CUX1: variants seen among roughly 807,000 people sequenced by gnomAD.
CUX1 encodes protein CASP.
A neutral mutation model predicts 158.8 loss-of-function variants in CUX1; 31 were observed. The observed-to-expected ratio is 0.20, with a 90% CI of 0.15 to 0.26. The LOEUF (loss-of-function observed/expected upper bound fraction) is 0.26, where lower values mean the gene tolerates loss of function less well. CUX1 is among the 10% of genes least tolerant of loss of function. The probability of loss-of-function intolerance (pLI) is 1.00; values close to 1 mark genes in which losing one functional copy is unlikely to be tolerated. For synonymous variants in CUX1, 879 were observed against 862.1 expected (o/e 1.02, Z -0.34); for missense variants, 1,589 against 2,014.6 (o/e 0.79, Z 4.04).
At chr7:102,151,907 T>G (rs1031585693) in intron 8 of CUX1, among the ~76,000 whole-genome samples, 3 of 151,938 alleles carry the variant, frequency 2.0e-5, no homozygotes, top group Admixed American at 1.3e-4. Context: ...GAATACCTCC[T>G]TAGAAAAATT....
At chr7:102,187,507 G>A (rs1030418705) in intron 11 of CUX1, among the ~76,000 whole-genome samples, 1 of 152,052 alleles carries the variant, frequency 6.6e-6, no homozygotes. Flanking sequence ...TGACAGACTC[G>A]AGTTCCAGGC....
intron 2 of CUX1, among the ~76,000 whole-genome samples, chr7:101,999,124 G>T (rs765398986): frequency 5.9e-5 from 9 of 151,932 alleles, no homozygotes; most frequent in African/African-American, 2.2e-4. Context: ...TCTGGAGTCC[G>T]CATGGCTGTG....
chr7:102,248,267 GC>G lies in CUX1; in HGVS notation c.3888-142del. On this transcript the variant is annotated intron_variant, in intron 23 of 23. Transcript: ENST00000292535. This position sits in a 1 kb window ranked among gnomAD's most constrained non-coding sequence, Gnocchi z 5.8. ...GACTCTGGAGAGGGGCTGCCCCGTG[GC>G]CCGAGGGTCGCTGGAGGGGCACGGA... The G allele has an allele frequency of 5.6e-6, 4 of 708,426 alleles. No individual in the cohort carries two copies. The South Asian group carries it at 7.9e-5, about 14-fold the overall frequency. 43.9% of individuals were successfully genotyped at this position (708,426 alleles called of 1,614,324 possible).
chr7:102,190,766 C>T (rs1338859906), intron 12 of CUX1, among the ~76,000 whole-genome samples: 5 of 152,158 alleles, frequency 3.3e-5, no homozygotes, highest in African/African-American at 9.7e-5. Flanking sequence ...CCACTATCCA[C>T]AGATGCCCTA....
At chr7:102,189,034 C>T (rs1793974607) in intron 11 of CUX1, among the ~76,000 whole-genome samples, 1 of 152,080 alleles carries the variant, frequency 6.6e-6, no homozygotes, top group Non-Finnish European at 1.5e-5. Context: ...CCACCAAGCA[C>T]TCGACTGAAC....
intron 9 of CUX1, among the ~76,000 whole-genome samples, chr7:102,163,062 G>A (rs2529097): frequency 0.066 from 10,087 of 152,258 alleles, 387 homozygotes; most frequent in African/African-American, 0.083. Context: ...CCATTGGCAT[G>A]AGAAGCATCC....
chr7:101,850,531 G>A (rs1305456572), intron 1 of CUX1, among the ~76,000 whole-genome samples: 2 of 150,318 alleles, frequency 1.3e-5, no homozygotes, highest in East Asian at 3.9e-4. Context: ...GGAAATGAGA[G>A]CACTGTGCCC....
chr7:101,873,198 T>TA (rs71286264), intron 1 of CUX1, among the ~76,000 whole-genome samples: 6 of 148,076 alleles, frequency 4.1e-5, no homozygotes, highest in African/African-American at 5.0e-5. Flanking sequence ...TTTTTTTTTT[T>TA]AATTTTTATT....
intron 1 of CUX1, among the ~76,000 whole-genome samples, chr7:101,909,812 C>T (rs924107096): frequency 2.0e-5 from 3 of 152,238 alleles, no homozygotes; most frequent in Non-Finnish European, 2.9e-5. Flanking sequence ...GAAGGACCCA[C>T]CCTGTGGGAG....
chr7:102,281,530 A>G (rs150721016), intron 20 of CUX1, among the ~76,000 whole-genome samples: 5,027 of 151,232 alleles, frequency 0.033, 255 homozygotes, highest in African/African-American at 0.12. Flanking sequence ...GGGCGTGGTG[A>G]CGCACACCTG....
At chr7:101,969,113 A>G (rs554576769) in intron 2 of CUX1, among the ~76,000 whole-genome samples, 1 of 151,768 alleles carries the variant, frequency 6.6e-6, no homozygotes, top group Admixed American at 6.6e-5. Flanking sequence ...GGATCACTTG[A>G]GGCCAGGAGT....
chr7:102,201,937 G>A lies in CUX1; in HGVS notation c.2640G>A (p.Lys880=). 4 of 1,614,126 alleles carry A rather than the reference G, an allele frequency of 2.5e-6. No homozygotes were observed. Among genetic ancestry groups the A allele is most frequent in the Non-Finnish European group, 3.4e-6 (4 of 1,180,038 alleles). ...GACCCTCGTCGTCAGAGTACTGGAA[G>A]GAGTGGCCCAGCGCTGAGTCCCCAT... ...LQGPSSSEYW[K]EWPSAESPYS... Residue 880 remains lysine, a synonymous_variant, in exon 18 of 24, where the codon AAG becomes AAA. Coordinates refer to ENST00000292535, the MANE Select transcript of CUX1 (RefSeq NM_181552.4). This position sits in a 1 kb window ranked among gnomAD's most constrained non-coding sequence, Gnocchi z 5.0.
intron 3 of CUX1, among the ~76,000 whole-genome samples, chr7:102,065,418 G>A (rs145471086): frequency 1.1e-3 from 173 of 152,206 alleles, no homozygotes; most frequent in African/African-American, 3.6e-3. Context: ...TCACTCTGCT[G>A]CCCAGGCTGG....
intron 4 of CUX1, among the ~76,000 whole-genome samples, chr7:102,080,304 C>T (rs782387607): frequency 1.6e-4 from 24 of 152,178 alleles, no homozygotes; most frequent in African/African-American, 4.8e-4. Flanking sequence ...GGTCCTGGCA[C>T]GCCGGGTATC....
At chr7:102,063,405 T>TTTC (rs1563194074) in intron 3 of CUX1, among the ~76,000 whole-genome samples, 1 of 145,436 alleles carries the variant, frequency 6.9e-6, no homozygotes, top group African/African-American at 2.6e-5. Context: ...TTTTTTTTTT[T>TTTC]TGAGACGGAG....
chr7:102,245,545 T>C (rs1225279211), intron 23 of CUX1, among the ~76,000 whole-genome samples: 18 of 152,304 alleles, frequency 1.2e-4, no homozygotes, highest in African/African-American at 4.3e-4. Context: ...AGCGGCTGGA[T>C]AGGGGGAAGG....
Position 102,115,239 on chromosome 7 carries a change from C to G in CUX1, c.640C>G (p.Leu214Val), listed in dbSNP as rs139126094. The change falls in exon 8 of 24, where the codon CTG becomes GTG. Residue 214 changes from leucine to valine, a missense_variant. By Grantham distance (32) the Leu-to-Val change is conservative. Around this residue, in one of 8 missense-constraint regions of CUX1, gnomAD observed 515 missense variants for 574.4 expected, o/e 0.90. Coordinates refer to ENST00000292535, the MANE Select transcript of CUX1 (RefSeq NM_181552.4). ...LEKTRTELFDLKTKYDEETTA... is the reference protein window; with the variant it reads ...LEKTRTELFDVKTKYDEETTA... ...AAAAACTCGAACAGAATTATTTGAC[C>G]TGAAAACCAAATACGATGAAGAAAC... 8 of 1,610,332 alleles carry G rather than the reference C, an allele frequency of 5.0e-6. No individual in the cohort carries two copies. The highest frequency in any genetic ancestry group is 6.8e-6 in the Non-Finnish European group (8 of 1,179,190).
At chr7:101,989,758 C>T (rs774981078) in intron 2 of CUX1, among the ~76,000 whole-genome samples, 2 of 152,196 alleles carry the variant, frequency 1.3e-5, no homozygotes, top group African/African-American at 4.8e-5. Flanking sequence ...CTCCTACCCC[C>T]GTCCTTCCCA....
intron 2 of CUX1, among the ~76,000 whole-genome samples, chr7:101,995,884 G>A (rs547237909): frequency 4.6e-5 from 7 of 152,090 alleles, no homozygotes; most frequent in Non-Finnish European, 1.0e-4. Context: ...AGGCCGAGGT[G>A]GGTGGATCAC....
Sources: gnomAD v4.1 joint callset for allele counts (sites outside exome capture counted in the v4.1 genomes callset) on GRCh38, gnomAD v4.1.1 for gene constraint, gnomAD v4.1.1 regional missense constraint, Gnocchi (gnomAD v3.1) non-coding constraint, MANE v1.5 for transcripts, NCBI Gene and HGNC (gene_info 2026-07-23, HGNC 2026-07-21) for gene names.